The following EVI5 variants were observed in gnomAD, a reference collection of about 807,000 sequenced individuals.
EVI5 encodes ecotropic viral integration site 5 protein homolog.
In EVI5, 73 loss-of-function variants were observed where a neutral mutation model predicts 112.0. The ratio of observed to expected loss-of-function variants is 0.65; its 90% CI spans 0.54 to 0.79. The LOEUF is 0.79. EVI5 is among the 30% of genes least tolerant of loss of function. The pLI is 0.00. For missense variants in EVI5, 900 were observed against 968.8 expected (o/e 0.93, Z 0.94); for synonymous variants, 305 against 319.9 (o/e 0.95, Z 0.50).
At chr1:92,768,012 G>A (rs756113301) in intron 1 of EVI5, among the ~76,000 whole-genome samples, 4 of 150,888 alleles carry the variant, frequency 2.7e-5, no homozygotes, top group South Asian at 4.2e-4. Flanking sequence ...CCTCGGAGGC[G>A]GAGGTTGCAG....
chr1:92,521,803 A>G (rs1386014397), intron 19 of EVI5, among the ~76,000 whole-genome samples: 1 of 152,204 alleles, frequency 6.6e-6, no homozygotes, highest in Non-Finnish European at 1.5e-5. Flanking sequence ...AAAGCTTAAC[A>G]GCATAAGAAA....
At chr1:92,527,651 C>T (rs1417103190) in intron 19 of EVI5, among the ~76,000 whole-genome samples, 3 of 152,244 alleles carry the variant, frequency 2.0e-5, no homozygotes, top group Middle Eastern at 6.8e-3. Flanking sequence ...GCCCTACACT[C>T]GTCCAAAGGT....
chr1:92,564,626 G>A (rs563188920), intron 18 of EVI5, among the ~76,000 whole-genome samples: 1 of 151,970 alleles, frequency 6.6e-6, no homozygotes, highest in East Asian at 1.9e-4. Flanking sequence ...TTGGTGAAGA[G>A]AGGCACTTTT....
At chr1:92,734,872 CAAAT>C (rs1164820789) in intron 2 of EVI5, among the ~76,000 whole-genome samples, 2 of 151,874 alleles carry the variant, frequency 1.3e-5, no homozygotes, top group Non-Finnish European at 2.9e-5. Context: ...ATACAGATGA[CAAAT>C]AAACACATAA....
chr1:92,750,966 C>T (rs1182640), intron 1 of EVI5, among the ~76,000 whole-genome samples: 10,488 of 152,028 alleles, frequency 0.069, 482 homozygotes, highest in Non-Finnish European at 0.099. Flanking sequence ...CTGGCTAACA[C>T]GGTAAAACCC....
At chr1:92,625,457 T>C (rs1420361807) in intron 15 of EVI5, among the ~76,000 whole-genome samples, 1 of 152,186 alleles carries the variant, frequency 6.6e-6, no homozygotes, top group Admixed American at 6.5e-5. Flanking sequence ...TGTTTCACAC[T>C]AACCAACAAT....
chr1:92,789,591 C>T (rs539127302), upstream of EVI5, among the ~76,000 whole-genome samples: 13 of 152,298 alleles, frequency 8.5e-5, no homozygotes, highest in South Asian at 2.1e-4. Flanking sequence ...CATGAACCAC[C>T]GCGCCTGGCC....
chr1:92,710,799 A>G (rs559557097), intron 2 of EVI5, among the ~76,000 whole-genome samples: 273 of 152,292 alleles, frequency 1.8e-3, no homozygotes, highest in African/African-American at 6.3e-3. Flanking sequence ...ACAGTATTAA[A>G]GATCGAGAGT....
chr1:92,694,505 AT>A, intron 7 of EVI5, 117 bp from the exon 8 acceptor site: 1 of 618,494 alleles, frequency 1.6e-6, no homozygotes, highest in Non-Finnish European at 2.8e-6. Flanking sequence ...GCTGGCAAAC[AT>A]TTTCTGTCAA....
At chr1:92,683,424 C>A (rs1233871382) in intron 9 of EVI5, among the ~76,000 whole-genome samples, 1 of 152,074 alleles carries the variant, frequency 6.6e-6, no homozygotes, top group East Asian at 1.9e-4. Context: ...ACATCAAAGA[C>A]CAAAGGTAGA....
At chr1:92,556,342 G>A (rs751894169) in intron 19 of EVI5, among the ~76,000 whole-genome samples, 13 of 151,904 alleles carry the variant, frequency 8.6e-5, no homozygotes, top group African/African-American at 1.5e-4. Flanking sequence ...GATTACAGGC[G>A]TGAGCCACTG....
intron 19 of EVI5, among the ~76,000 whole-genome samples, chr1:92,525,266 C>T (rs1167451253): frequency 1.8e-5 from 1 of 56,934 alleles, no homozygotes; most frequent in Non-Finnish European, 3.0e-5. Flanking sequence ...AATGACAATG[C>T]CTTTTTTTTT....
At chr1:92,712,555 TAA>T (rs1673007661) in intron 2 of EVI5, among the ~76,000 whole-genome samples, 1 of 152,128 alleles carries the variant, frequency 6.6e-6, no homozygotes, top group Non-Finnish European at 1.5e-5. Context: ...ATAAATTGTT[TAA>T]TTAATTATAC....
At chr1:92,562,699 T>TTG (rs1668818423) in intron 19 of EVI5, among the ~76,000 whole-genome samples, 2 of 152,194 alleles carry the variant, frequency 1.3e-5, no homozygotes, top group African/African-American at 4.8e-5. Context: ...TGTTTATGTT[T>TTG]TGTTTCTTCT....
intron 13 of EVI5, among the ~76,000 whole-genome samples, 165 bp from the exon 14 acceptor site, chr1:92,636,501 C>G (rs988819792): frequency 2.0e-5 from 3 of 152,166 alleles, no homozygotes; most frequent in African/African-American, 7.2e-5. Flanking sequence ...TTAACTTCTC[C>G]AATGAGTAAA....
chr1:92,514,217 G>A (rs193013377), intron 19 of EVI5, among the ~76,000 whole-genome samples: 2 of 151,990 alleles, frequency 1.3e-5, no homozygotes, highest in African/African-American at 4.8e-5. Context: ...GCAGTGGTGC[G>A]ATCTCGGCTC....
At chr1:92,681,344 A>G (rs1667552512) in intron 9 of EVI5, among the ~76,000 whole-genome samples, 1 of 152,196 alleles carries the variant, frequency 6.6e-6, no homozygotes, top group Admixed American at 6.5e-5. Context: ...CACACACTAT[A>G]TTTATATACG....
intron 19 of EVI5, among the ~76,000 whole-genome samples, chr1:92,562,304 C>T (rs565391657): frequency 4.0e-4 from 61 of 152,128 alleles, no homozygotes; most frequent in African/African-American, 1.4e-3. Context: ...CTGAGACGGG[C>T]GGATCATGAG....
rs115901950 is a variant in EVI5 at position 92,523,079 on chromosome 1, G to A, written c.2167-9109C>T. 2.4e-3 allele frequency among the ~76,000 whole-genome samples: 360 copies of A among 152,028 alleles called. 3 individuals carry two copies. Among genetic ancestry groups the A allele is most frequent in the African/African-American group, 8.3e-3 (346 of 41,444 alleles). ...TAGCCTGTGACTAACTTTTTTTGTA[G>A]AAGCAAGGTCTATGCTCCCTAGGCT... is the stretch of plus-strand genomic sequence containing the variant. On this transcript the variant is annotated intron_variant, in intron 19 of 19. Transcript: ENST00000684568.
Sources: allele counts gnomAD v4.1 joint callset (sites outside exome capture counted in the v4.1 genomes callset), GRCh38; gene constraint gnomAD v4.1.1; transcripts MANE v1.5; gene names NCBI Gene and HGNC (gene_info 2026-07-23, HGNC 2026-07-21).